The following RALGAPB variants were observed in gnomAD, a reference collection of about 807,000 sequenced individuals.
RALGAPB encodes the protein Ral GTPase activating protein non-catalytic subunit beta.
In RALGAPB, 25 loss-of-function variants were observed where a neutral mutation model predicts 161.1. The ratio of observed to expected loss-of-function variants is 0.16; its 90% CI spans 0.11 to 0.22. The LOEUF is 0.22. Ranked by LOEUF, RALGAPB falls within the 10% of genes least tolerant of loss-of-function variation. The probability of loss-of-function intolerance (pLI) is 1.00; values close to 1 mark genes in which losing one functional copy is unlikely to be tolerated. For synonymous variants in RALGAPB, 629 were observed against 626.1 expected (o/e 1.00, Z -0.07); for missense variants, 1,391 against 1,815.2 (o/e 0.77, Z 4.25).
In RALGAPB at chr20:38,539,780, A is replaced by C. The variant is rs1358254703; in HGVS notation, c.2384A>C (p.Lys795Thr). 6.2e-7 allele frequency: 1 copy of C among 1,613,106 alleles called. No individual in the cohort carries two copies. The highest frequency in any genetic ancestry group is 8.5e-7 in the Non-Finnish European group (1 of 1,179,462). The change falls in exon 17 of 30, where the codon AAA becomes ACA. Residue 795 changes from lysine to threonine, a missense_variant. Lys to Thr is a moderately conservative substitution (Grantham distance 78). Around this residue, in one of 3 missense-constraint regions of RALGAPB, gnomAD observed 946 missense variants for 1,257.2 expected, o/e 0.75. Coordinates refer to ENST00000262879, the MANE Select transcript of RALGAPB (RefSeq NM_020336.4). ...LELLSGLAKV[K>T]VMVDSGDRKR... ...TCTCCAAATGAATATGCTCAGGTAA[A>C]AGTGATGGTTGACTCAGGAGACCGG...
chr20:38,496,151 G>C (rs780207356), intron 3 of RALGAPB, among the ~76,000 whole-genome samples: 1 of 151,772 alleles, frequency 6.6e-6, no homozygotes, highest in Non-Finnish European at 1.5e-5. Flanking sequence ...ACATCTCCCC[G>C]CTCCTGGAGG....
chr20:38,518,046 T>A (rs1297779683), intron 9 of RALGAPB, 46 bp downstream of exon 9: 1 of 1,525,200 alleles, frequency 6.6e-7, no homozygotes, highest in African/African-American at 1.4e-5. Flanking sequence ...TCCTTTTCCT[T>A]TTTCTTTTTC....
At chr20:38,535,362 G>A (rs1032616767) in intron 16 of RALGAPB, among the ~76,000 whole-genome samples, 155 bp downstream of exon 16, 2 of 152,144 alleles carry the variant, frequency 1.3e-5, no homozygotes, top group East Asian at 1.9e-4. Context: ...GCCTCCAAGT[G>A]ATATTCTATG....
At chr20:38,574,100 C>T (rs912970240) in intron 28 of RALGAPB, 50 bp from the exon 29 acceptor site, 14 of 1,535,370 alleles carry the variant, frequency 9.1e-6, no homozygotes, top group Non-Finnish European at 1.2e-5. Context: ...TTGGGTGTCT[C>T]GGGGACTTCA....
chr20:38,528,350 TTTATTTA>T (rs2086536719), intron 13 of RALGAPB, among the ~76,000 whole-genome samples: 12 of 4,262 alleles, frequency 2.8e-3, no homozygotes, highest in Non-Finnish European at 7.5e-3. Context: ...TTTATTTTTA[TTTATTTA>T]TTTATTTATT....
At chr20:38,528,345 T>TTTTTTTTA (rs1009112056) in intron 13 of RALGAPB, among the ~76,000 whole-genome samples, 1 of 147,266 alleles carries the variant, frequency 6.8e-6, no homozygotes, top group African/African-American at 2.5e-5. Context: ...TTCATTTTAT[T>TTTTTTTTA]TTTATTTATT....
At chr20:38,568,906 T>C (rs1458860899) in intron 26 of RALGAPB, 1 of 152,154 alleles carries the variant, frequency 6.6e-6, no homozygotes, top group Non-Finnish European at 1.5e-5. Flanking sequence ...CCTGACCTAA[T>C]CACAGGAGCT....
chr20:38,525,716 A>G (rs1057433245), intron 12 of RALGAPB, among the ~76,000 whole-genome samples, 179 bp from the exon 13 acceptor site: 1 of 151,650 alleles, frequency 6.6e-6, no homozygotes, highest in Non-Finnish European at 1.5e-5. Context: ...ACCAGTTTTC[A>G]AGCAGTTATA....
At chr20:38,548,057 T>C (rs1234929787) in intron 19 of RALGAPB, 1 of 152,094 alleles carries the variant, frequency 6.6e-6, no homozygotes, top group African/African-American at 2.4e-5. Context: ...TAATAAGAAA[T>C]TATAGAGAAG....
chr20:38,485,573 C>A (rs1278938350), intron 1 of RALGAPB, among the ~76,000 whole-genome samples: 1 of 151,994 alleles, frequency 6.6e-6, no homozygotes, highest in Admixed American at 6.6e-5. Context: ...ATTACAGGTG[C>A]CCGCCACCAC....
intron 23 of RALGAPB, 117 bp downstream of exon 23, chr20:38,558,570 G>A: frequency 1.0e-6 from 1 of 967,310 alleles, no homozygotes; most frequent in Non-Finnish European, 1.4e-6. Flanking sequence ...GTTGAGGACT[G>A]CAGCCTGGGA....
chr20:38,490,069 G>C (rs868654378), intron 2 of RALGAPB, among the ~76,000 whole-genome samples: 22 of 151,742 alleles, frequency 1.4e-4, no homozygotes, highest in African/African-American at 5.3e-4. Context: ...GAGTGCAGTG[G>C]CATGACCTCG....
At chr20:38,522,679 A>T (rs113974453) in intron 10 of RALGAPB, among the ~76,000 whole-genome samples, 11 of 152,366 alleles carry the variant, frequency 7.2e-5, no homozygotes, top group Non-Finnish European at 1.3e-4. Context: ...AACCAAGTAC[A>T]GAATTTTATA....
chr20:38,517,725 T>A, intron 8 of RALGAPB, 59 bp from the exon 9 acceptor site: 1 of 1,605,582 alleles, frequency 6.2e-7, no homozygotes, highest in Non-Finnish European at 8.5e-7. Context: ...TTTTATAAAG[T>A]CTTGCTATTT....
At chr20:38,487,500 T>A (rs2085151730) in intron 1 of RALGAPB, among the ~76,000 whole-genome samples, 1 of 152,268 alleles carries the variant, frequency 6.6e-6, no homozygotes, top group Admixed American at 6.5e-5. Context: ...TTTCATAGAT[T>A]CTAGAAGAAA....
intron 14 of RALGAPB, among the ~76,000 whole-genome samples, chr20:38,531,636 C>G (rs1002994515): frequency 3.3e-5 from 5 of 152,188 alleles, no homozygotes; most frequent in African/African-American, 1.2e-4. Flanking sequence ...GCAGGTCCCT[C>G]AAAGCACCAA....
intron 25 of RALGAPB, among the ~76,000 whole-genome samples, chr20:38,565,798 C>A (rs1049538113): frequency 5.3e-5 from 8 of 152,120 alleles, no homozygotes; most frequent in African/African-American, 1.9e-4. Flanking sequence ...TACGAGTGAT[C>A]CCTCACCTAC....
In RALGAPB at chr20:38,478,678, G is replaced by A. The variant is rs111780099; in HGVS notation, c.-31+5609G>A. ...GTTGTTCAGGCTGGAGTGCAGTGAC[G>A]CCACCTCGGCTCACCGCAGCCTCCA... On this transcript the variant is annotated intron_variant, in intron 1 of 29. Coordinates refer to ENST00000262879, the MANE Select transcript of RALGAPB (RefSeq NM_020336.4). Among the ~76,000 whole-genome samples the A allele has an allele frequency of 7.7e-3, 1,174 of 152,038 alleles. 21 individuals are homozygous for A. Among genetic ancestry groups the A allele is most frequent in the African/African-American group, 0.026 (1,068 of 41,476 alleles).
At chr20:38,481,073 A>G (rs763794385) in intron 1 of RALGAPB, among the ~76,000 whole-genome samples, 1 of 151,212 alleles carries the variant, frequency 6.6e-6, no homozygotes, top group Non-Finnish European at 1.5e-5. Flanking sequence ...TATCACCTCA[A>G]TTTTCTTACC....
Sources: allele counts gnomAD v4.1 joint callset (sites outside exome capture counted in the v4.1 genomes callset), GRCh38; gene constraint gnomAD v4.1.1; regional missense constraint gnomAD v4.1.1; transcripts MANE v1.5; gene names NCBI Gene and HGNC (gene_info 2026-07-23, HGNC 2026-07-21).